SSPN: variants seen among roughly 807,000 people sequenced by gnomAD.
SSPN encodes the protein sarcospan, also known as K-ras oncogene-associated protein.
SSPN carries 15 observed loss-of-function variants against 19.1 expected under a neutral mutation model. The observed-to-expected ratio is 0.78, with a 90% CI of 0.52 to 1.21. The LOEUF is 1.21. Ranked by LOEUF, SSPN falls within the 50% of genes most tolerant of loss-of-function variation. SSPN has a pLI of 0.00. For synonymous variants in SSPN, 147 were observed against 140.3 expected (o/e 1.05, Z -0.34); for missense variants, 291 against 314.0 (o/e 0.93, Z 0.55).
rs190082947 is a variant in SSPN, at chr12:26,165,117, G to A, written c.-31+42965G>A. Among the ~76,000 whole-genome samples, 337 of 152,142 alleles carry A rather than the reference G, an allele frequency of 2.2e-3. 3 individuals are homozygous for A. Among genetic ancestry groups the A allele is most frequent in the African/African-American group, 8.0e-3 (330 of 41,506 alleles). On this transcript the variant is annotated intron_variant, in intron 1 of 2. Transcript: ENST00000538142. The stretch of plus-strand genomic sequence containing the variant: ...AATTTTTGAACTAGTATTTTTAATC[G>A]AAAAATTCTGAACTTCTAGATGGAA...
At position 26,197,047 on chromosome 12, in the gene SSPN, G is replaced by A. The variant is rs117315167; in HGVS notation, c.279+1096G>A. Among the ~76,000 whole-genome samples, 1,126 of 152,310 alleles carry A rather than the reference G, an allele frequency of 7.4e-3. 8 individuals carry two copies. Among genetic ancestry groups the A allele is most frequent in the Non-Finnish European group, 0.011 (780 of 68,030 alleles). The stretch of plus-strand genomic sequence containing the variant: ...ATTCCTTTTGGATGTGAGGAAATAG[G>A]CTAAGAGAAGTTAGATGACATTCTC... On this transcript the variant is annotated intron_variant, in intron 1 of 2. Coordinates refer to ENST00000242729, the MANE Select transcript of SSPN (RefSeq NM_005086.5).
chr12:26,226,594 C>A (rs189366832), intron 2 of SSPN, among the ~76,000 whole-genome samples: 2 of 152,244 alleles, frequency 1.3e-5, no homozygotes, highest in African/African-American at 4.8e-5. Flanking sequence ...CAGCGCGTTC[C>A]TTTTTCCTCC....
At chr12:26,132,508 T>G (rs1291800212) in intron 1 of SSPN, among the ~76,000 whole-genome samples, 1 of 152,220 alleles carries the variant, frequency 6.6e-6, no homozygotes, top group Non-Finnish European at 1.5e-5. Flanking sequence ...TTAGAAATCA[T>G]TCCAGAAAAT....
intron 1 of SSPN, chr12:26,124,289 G>T: frequency 1.6e-6 from 1 of 641,860 alleles, no homozygotes; most frequent in Non-Finnish European, 2.6e-6. Flanking sequence ...CATACTATGT[G>T]ATAAACTACA....
chr12:26,175,595 C>G (rs1944678679), intron 1 of SSPN, among the ~76,000 whole-genome samples: 1 of 151,858 alleles, frequency 6.6e-6, no homozygotes, highest in Non-Finnish European at 1.5e-5. Flanking sequence ...TTAGCATATT[C>G]AGGAATCTAT....
chr12:26,216,660 C>A (rs933946349), intron 1 of SSPN, among the ~76,000 whole-genome samples: 2 of 91,702 alleles, frequency 2.2e-5, no homozygotes, highest in Admixed American at 2.8e-4. Flanking sequence ...ATGCCTATGT[C>A]CTGAATGGTA....
chr12:26,227,352 C>T (rs562706852), intron 2 of SSPN, among the ~76,000 whole-genome samples: 1 of 152,168 alleles, frequency 6.6e-6, no homozygotes, highest in South Asian at 2.1e-4. Context: ...TGATGCTTTC[C>T]GGAGTGGGAG....
At chr12:26,155,255 C>T (rs2137419145) in intron 1 of SSPN, among the ~76,000 whole-genome samples, 1 of 152,210 alleles carries the variant, frequency 6.6e-6, no homozygotes, top group Admixed American at 6.5e-5. Context: ...GTTAAAGTTA[C>T]TTGTCCAGAC....
At chr12:26,147,728 T>C (rs1320186255) in intron 1 of SSPN, among the ~76,000 whole-genome samples, 4 of 152,224 alleles carry the variant, frequency 2.6e-5, no homozygotes, top group African/African-American at 7.2e-5. Flanking sequence ...TAGAAGACTT[T>C]TAAGGGAGCA....
chr12:26,190,730 A>G (rs1019522793), upstream of SSPN, among the ~76,000 whole-genome samples: 5 of 152,204 alleles, frequency 3.3e-5, no homozygotes, highest in African/African-American at 1.2e-4. Flanking sequence ...ACTGAGGGAC[A>G]TCCAGTGACT....
chr12:26,135,555 G>GTCA (rs1352108660), intron 1 of SSPN, among the ~76,000 whole-genome samples: 1 of 152,018 alleles, frequency 6.6e-6, no homozygotes, highest in Non-Finnish European at 1.5e-5. Context: ...TCAGTCAGTC[G>GTCA]TGCCCTTGAT....
At chr12:26,189,539 C>A (rs1944775130) in intron 1 of SSPN, among the ~76,000 whole-genome samples, 1 of 152,174 alleles carries the variant, frequency 6.6e-6, no homozygotes, top group African/African-American at 2.4e-5. Flanking sequence ...CTCCTTCAGG[C>A]ATCCCTATCA....
At position 26,170,158 on chromosome 12, in the gene SSPN, G is replaced by A. The variant is rs150926716; in HGVS notation, c.-31+48006G>A. Among the ~76,000 whole-genome samples, 19 of 152,248 alleles carry A rather than the reference G, an allele frequency of 1.2e-4. No homozygotes were observed. In the East Asian group the frequency reaches 2.1e-3, roughly 17 times the overall value. On this transcript the variant is annotated intron_variant, in intron 1 of 2. Coordinates refer to the SSPN transcript ENST00000538142. ...CATTCCCCCAATTCTCAACAATTAC[G>A]GGGACTCATGAGGAAATCTGAAAAG... is the stretch of plus-strand genomic sequence containing the variant.
intron 1 of SSPN, 97 bp from the exon 2 acceptor site, chr12:26,224,196 T>G (rs1457620370): frequency 1.2e-6 from 1 of 840,806 alleles, no homozygotes; most frequent in Non-Finnish European, 2.0e-6. Flanking sequence ...GACAGCTTTA[T>G]AACATGGATG....
intron 1 of SSPN, among the ~76,000 whole-genome samples, chr12:26,137,997 G>A (rs146427782): frequency 6.6e-6 from 1 of 152,028 alleles, no homozygotes; most frequent in Non-Finnish European, 1.5e-5. Context: ...TTGTCCCTCA[G>A]TATCCACAGG....
At chr12:26,162,442 G>A (rs115573475) in intron 1 of SSPN, among the ~76,000 whole-genome samples, 1,947 of 152,166 alleles carry the variant, frequency 0.013, 46 homozygotes, top group African/African-American at 0.044. Flanking sequence ...TAAATTTGTG[G>A]CTCTCCTGCT....
chr12:26,151,164 G>A (rs1481496216), intron 1 of SSPN, among the ~76,000 whole-genome samples: 1 of 144,054 alleles, frequency 6.9e-6, no homozygotes, highest in South Asian at 2.4e-4. Flanking sequence ...ACTCTTGAGT[G>A]CCCTGTTAGT....
chr12:26,217,915 C>T (rs1401744159), intron 1 of SSPN, among the ~76,000 whole-genome samples: 1 of 152,066 alleles, frequency 6.6e-6, no homozygotes, highest in Non-Finnish European at 1.5e-5. Flanking sequence ...ATGGCGATTC[C>T]TCAGGGATCT....
At chr12:26,229,236 G>GA (rs111834910) in intron 2 of SSPN, among the ~76,000 whole-genome samples, 7,817 of 152,048 alleles carry the variant, frequency 0.051, 690 homozygotes, top group African/African-American at 0.18. Context: ...GATGTATTAA[G>GA]AAAAAAATGG....
Sources: gnomAD v4.1 joint callset for allele counts (sites outside exome capture counted in the v4.1 genomes callset) on GRCh38, gnomAD v4.1.1 for gene constraint, MANE v1.5 for transcripts, NCBI Gene and HGNC (gene_info 2026-07-23, HGNC 2026-07-21) for gene names.